CAMTA1: variants seen among roughly 807,000 people sequenced by gnomAD.
CAMTA1 encodes calmodulin binding transcription activator 1, also known as calmodulin-binding transcription activator 1.
A neutral mutation model predicts 170.9 loss-of-function variants in CAMTA1; 27 were observed. The ratio of observed to expected loss-of-function variants is 0.16; its 90% CI spans 0.12 to 0.22. The LOEUF is 0.22. Among genes scored for constraint, CAMTA1 ranks in the 10% least tolerant of loss-of-function variants. The pLI, the probability that CAMTA1 is intolerant of heterozygous loss-of-function variation, is 1.00. For synonymous variants in CAMTA1, 833 were observed against 891.5 expected (o/e 0.93, Z 1.17); for missense variants, 1,619 against 2,217.2 (o/e 0.73, Z 5.42).
intron 6 of CAMTA1, among the ~76,000 whole-genome samples, chr1:7,519,389 G>C (rs981524271): frequency 2.6e-5 from 4 of 152,024 alleles, no homozygotes; most frequent in African/African-American, 9.7e-5. Context: ...CACTGCTCAG[G>C]CTGTCTTGGC....
chr1:7,335,452 C>T (rs986161821), intron 5 of CAMTA1, among the ~76,000 whole-genome samples: 9 of 152,172 alleles, frequency 5.9e-5, no homozygotes, highest in East Asian at 3.9e-4. Context: ...CGGGGATGCC[C>T]GTCAAAGCAG....
chr1:7,480,072 A>T, intron 6 of CAMTA1, among the ~76,000 whole-genome samples: 1 of 148,828 alleles, frequency 6.7e-6, no homozygotes, highest in Non-Finnish European at 1.5e-5. Flanking sequence ...TGTTTGTGTG[A>T]GTGCATGTGT....
At chr1:7,375,054 C>T (rs2086742446) in intron 5 of CAMTA1, among the ~76,000 whole-genome samples, 1 of 152,158 alleles carries the variant, frequency 6.6e-6, no homozygotes, top group Admixed American at 6.5e-5. Flanking sequence ...ACCAGCCCAG[C>T]CAGGTCAGAC....
At chr1:7,411,878 AG>A (rs1170663510) in intron 5 of CAMTA1, among the ~76,000 whole-genome samples, 2 of 151,548 alleles carry the variant, frequency 1.3e-5, no homozygotes, top group African/African-American at 4.9e-5. Flanking sequence ...ATTTAGCATT[AG>A]GTATATCTCC....
At chr1:7,553,422 G>T (rs1325101626) in intron 6 of CAMTA1, among the ~76,000 whole-genome samples, 1 of 152,236 alleles carries the variant, frequency 6.6e-6, no homozygotes, top group African/African-American at 2.4e-5. Context: ...GCTGTGTATT[G>T]AGTGCTGCCA....
At chr1:7,412,123 G>T (rs1323036601) in intron 5 of CAMTA1, among the ~76,000 whole-genome samples, 1 of 152,064 alleles carries the variant, frequency 6.6e-6, no homozygotes, top group African/African-American at 2.4e-5. Context: ...ATTCCATGGG[G>T]TATATGTGCC....
In CAMTA1 at chr1:6,934,288, C is replaced by G. The variant is rs1415751585; in HGVS notation, c.234+109078C>G. 6.6e-6 allele frequency among the ~76,000 whole-genome samples: 1 copy of G among 152,214 alleles called. No homozygotes were observed. The highest frequency in any genetic ancestry group is 1.5e-5 in the Non-Finnish European group (1 of 68,040). On this transcript the variant is annotated intron_variant, in intron 3 of 22. Coordinates refer to ENST00000303635, the MANE Select transcript of CAMTA1 (RefSeq NM_015215.4). The surrounding 1 kb of genome is among the most constrained non-coding windows in gnomAD (Gnocchi z 4.5). ...ATGTGGACCGGAAGGATGAGGCATG[C>G]TCCCGGAAGTTAGCATCGCTCATGG... is the stretch of plus-strand genomic sequence containing the variant.
intron 3 of CAMTA1, among the ~76,000 whole-genome samples, chr1:7,026,226 C>T (rs962336945): frequency 2.6e-5 from 4 of 152,058 alleles, no homozygotes; most frequent in Non-Finnish European, 5.9e-5. Flanking sequence ...AGGGATGAAG[C>T]TGGTGGCAGC....
chr1:7,251,891 G>A lies in CAMTA1; in HGVS notation c.438+2265G>A, dbSNP rs188673527. On this transcript the variant is annotated intron_variant, in intron 5 of 22. Transcript: ENST00000303635. This position sits in a 1 kb window ranked among gnomAD's most constrained non-coding sequence, Gnocchi z 5.1. ...TATATGTTTGTGTGTGTGTGTGTGC[G>A]TATGTGCAATTTACATATTGTTTGC... is the stretch of plus-strand genomic sequence containing the variant. Among the ~76,000 whole-genome samples the A allele has an allele frequency of 1.1e-4, 15 of 140,246 alleles. No individual in the cohort carries two copies. The highest frequency in any genetic ancestry group is 3.4e-4 in the African/African-American group (14 of 40,602). 92.0% of individuals were successfully genotyped at this position (140,246 alleles called of 152,430 possible).
intron 4 of CAMTA1, among the ~76,000 whole-genome samples, chr1:7,133,684 C>T (rs369671360): frequency 6.6e-5 from 10 of 152,148 alleles, no homozygotes; most frequent in Middle Eastern, 3.2e-3. Context: ...AGACGTCCTC[C>T]GTGATTTTCA....
At chr1:7,124,051 G>A (rs1278628563) in intron 4 of CAMTA1, among the ~76,000 whole-genome samples, 1 of 152,192 alleles carries the variant, frequency 6.6e-6, no homozygotes. Context: ...GGGCACAGAT[G>A]TCTCACCTCG....
At chr1:7,020,457 T>C (rs779354940) in intron 3 of CAMTA1, among the ~76,000 whole-genome samples, 5 of 152,212 alleles carry the variant, frequency 3.3e-5, no homozygotes, top group African/African-American at 9.7e-5. Flanking sequence ...TGTGTAAGTA[T>C]GCACTTTGTG....
intron 3 of CAMTA1, among the ~76,000 whole-genome samples, chr1:6,994,665 G>A (rs945967349): frequency 7.0e-6 from 1 of 142,944 alleles, no homozygotes; most frequent in South Asian, 2.4e-4. Context: ...TGTTCATTTT[G>A]TTTGAACTTC....
intron 4 of CAMTA1, among the ~76,000 whole-genome samples, chr1:7,153,134 T>C (rs911296408): frequency 8.5e-5 from 13 of 152,160 alleles, no homozygotes; most frequent in Non-Finnish European, 1.3e-4. Context: ...TTGTGAGAGA[T>C]GCATAATGAA....
Position 7,275,759 on chromosome 1 carries a change from T to C in CAMTA1, c.438+26133T>C, listed in dbSNP as rs115784632. ...CTCTATATTTATTAAATTAAGTTTG[T>C]AATTTAAAATCTTTCCCCAAAAAGA... On this transcript the variant is annotated intron_variant, in intron 5 of 22. Coordinates refer to ENST00000303635, the MANE Select transcript of CAMTA1 (RefSeq NM_015215.4). 5.9e-3 allele frequency among the ~76,000 whole-genome samples: 904 copies of C among 152,284 alleles called. 6 individuals carry two copies. Among genetic ancestry groups the C allele is most frequent in the Middle Eastern group, 0.01 (3 of 294 alleles).
intron 9 of CAMTA1, among the ~76,000 whole-genome samples, chr1:7,669,692 C>A (rs940803886): frequency 6.6e-6 from 1 of 152,208 alleles, no homozygotes; most frequent in East Asian, 1.9e-4. Context: ...CGCCCCACTG[C>A]AGGGAAAGGT....
At chr1:7,295,808 G>T (rs949603388) in intron 5 of CAMTA1, among the ~76,000 whole-genome samples, 19 of 152,040 alleles carry the variant, frequency 1.2e-4, no homozygotes, top group Non-Finnish European at 2.9e-5. Flanking sequence ...AATAGAGCAG[G>T]GTGTATTGGT....
intron 3 of CAMTA1, among the ~76,000 whole-genome samples, chr1:6,983,603 G>C (rs1444670012): frequency 2.0e-5 from 3 of 152,286 alleles, no homozygotes; most frequent in Middle Eastern, 3.4e-3. Flanking sequence ...ATGGAGGCAA[G>C]TTCTATAACT....
At chr1:7,397,291 T>C (rs1429427410) in intron 5 of CAMTA1, among the ~76,000 whole-genome samples, 1 of 152,182 alleles carries the variant, frequency 6.6e-6, no homozygotes, top group African/African-American at 2.4e-5. Flanking sequence ...TTGTTCATAA[T>C]AGTCTCTTAT....
Sources: allele counts gnomAD v4.1 joint callset (sites outside exome capture counted in the v4.1 genomes callset), GRCh38; gene constraint gnomAD v4.1.1; non-coding constraint Gnocchi (gnomAD v3.1); transcripts MANE v1.5; gene names NCBI Gene and HGNC (gene_info 2026-07-23, HGNC 2026-07-21).